LRRTM4: variants seen among roughly 807,000 people sequenced by gnomAD.
LRRTM4 encodes leucine rich repeat transmembrane neuronal 4.
In LRRTM4, 25 loss-of-function variants were observed where a neutral mutation model predicts 47.6. The ratio of observed to expected loss-of-function variants is 0.53; its 90% confidence interval spans 0.38 to 0.73. LRRTM4 has a LOEUF of 0.73. Ranked by LOEUF, LRRTM4 falls within the 30% of genes least tolerant of loss-of-function variation. The pLI is 0.00. For missense variants in LRRTM4, 638 were observed against 713.4 expected (o/e 0.89, Z 1.20); for synonymous variants, 311 against 269.5 (o/e 1.15, Z -1.51).
intron 3 of LRRTM4, among the ~76,000 whole-genome samples, chr2:76,850,609 A>G (rs1007035362): frequency 5.3e-5 from 8 of 152,174 alleles, no homozygotes; most frequent in African/African-American, 1.9e-4. Context: ...ATGTCCCACA[A>G]TCTGTTAGGT....
At chr2:77,026,549 G>C (rs963877012) in intron 3 of LRRTM4, among the ~76,000 whole-genome samples, 2 of 151,980 alleles carry the variant, frequency 1.3e-5, no homozygotes, top group Non-Finnish European at 2.9e-5. Flanking sequence ...GTAATAGTAA[G>C]TGAATAGCCT....
intron 3 of LRRTM4, among the ~76,000 whole-genome samples, chr2:77,045,994 C>A (rs2103755347): frequency 6.6e-6 from 1 of 151,966 alleles, no homozygotes; most frequent in East Asian, 1.9e-4. Flanking sequence ...CTTCCTTTTT[C>A]TTTTAATTAT....
At chr2:77,179,640 A>G (rs1673296259) in intron 3 of LRRTM4, among the ~76,000 whole-genome samples, 1 of 152,166 alleles carries the variant, frequency 6.6e-6, no homozygotes, top group South Asian at 2.1e-4. Flanking sequence ...TATTAAAAAA[A>G]TTAGACCATA....
intron 3 of LRRTM4, among the ~76,000 whole-genome samples, chr2:76,790,707 C>A (rs935238684): frequency 2.0e-5 from 3 of 151,804 alleles, no homozygotes; most frequent in South Asian, 4.1e-4. Flanking sequence ...AGACCCCCCC[C>A]CACCACCTCA....
chr2:76,810,576 G>A (rs1670703549), intron 3 of LRRTM4, among the ~76,000 whole-genome samples: 1 of 152,078 alleles, frequency 6.6e-6, no homozygotes, highest in South Asian at 2.1e-4. Flanking sequence ...ACAGGTTAAT[G>A]AATAAACAAA....
intron 3 of LRRTM4, among the ~76,000 whole-genome samples, chr2:77,072,986 A>G (rs951697009): frequency 5.3e-5 from 8 of 152,086 alleles, no homozygotes; most frequent in African/African-American, 1.9e-4. Flanking sequence ...GTTGCTTCCT[A>G]AAGTGTGATG....
intron 3 of LRRTM4, among the ~76,000 whole-genome samples, chr2:77,281,234 T>C (rs1378322901): frequency 1.3e-5 from 2 of 151,914 alleles, no homozygotes; most frequent in Non-Finnish European, 2.9e-5. Context: ...TAATAGGTCT[T>C]GCAAATGCCT....
At chr2:76,898,486 G>A (rs1253693606) in intron 3 of LRRTM4, among the ~76,000 whole-genome samples, 1 of 148,448 alleles carries the variant, frequency 6.7e-6, no homozygotes, top group Non-Finnish European at 1.5e-5. Flanking sequence ...CCAGGAGGTG[G>A]AGGATGAGGT....
At chr2:77,190,432 TAA>T (rs1169004982) in intron 3 of LRRTM4, among the ~76,000 whole-genome samples, 2 of 151,636 alleles carry the variant, frequency 1.3e-5, no homozygotes, top group African/African-American at 4.9e-5. Flanking sequence ...GTAGCTGGGA[TAA>T]CAGGTGCCTG....
At chr2:76,935,935 G>A (rs900922274) in intron 3 of LRRTM4, among the ~76,000 whole-genome samples, 1 of 152,186 alleles carries the variant, frequency 6.6e-6, no homozygotes, top group Non-Finnish European at 1.5e-5. Flanking sequence ...TCAAAGGAAT[G>A]CTTCCAGTTT....
intron 3 of LRRTM4, among the ~76,000 whole-genome samples, chr2:76,895,707 T>A (rs1673392168): frequency 6.6e-6 from 1 of 152,158 alleles, no homozygotes; most frequent in Admixed American, 6.6e-5. Flanking sequence ...GAATGGAATG[T>A]GACGAGCCAC....
chr2:76,876,783 A>G (rs1404846973), intron 3 of LRRTM4, among the ~76,000 whole-genome samples: 3 of 152,030 alleles, frequency 2.0e-5, no homozygotes, highest in Non-Finnish European at 2.9e-5. Flanking sequence ...CTTGTATTAT[A>G]TATTTGTACT....
At chr2:77,376,285 T>C (rs1672837756) in intron 3 of LRRTM4, among the ~76,000 whole-genome samples, 1 of 151,784 alleles carries the variant, frequency 6.6e-6, no homozygotes, top group Non-Finnish European at 1.5e-5. Flanking sequence ...AGTTCCAGTA[T>C]AACTCTTATC....
intron 3 of LRRTM4, among the ~76,000 whole-genome samples, chr2:77,194,244 A>C (rs1673754629): frequency 6.6e-6 from 1 of 152,178 alleles, no homozygotes; most frequent in African/African-American, 2.4e-5. Context: ...TGATGTCATC[A>C]ATCTTCTGAA....
In LRRTM4 at chr2:76,781,609, C is replaced by T. The variant is rs530791390; in HGVS notation, c.1552-32693G>A. 2.0e-4 allele frequency among the ~76,000 whole-genome samples: 30 copies of T among 152,318 alleles called. 1 individual carries two copies. Among genetic ancestry groups the T allele is most frequent in the Non-Finnish European group, 2.9e-4 (20 of 68,036 alleles). On this transcript the variant is annotated intron_variant, in intron 3 of 3. Transcript: ENST00000409884. Reference sequence around the variant, plus strand: ...AGTGAGGCAATGCCTCGCCCTGCTTCGGCTCGCGCATGGTGCGCGCACCCA... The same window carrying T: ...AGTGAGGCAATGCCTCGCCCTGCTTTGGCTCGCGCATGGTGCGCGCACCCA...
chr2:77,518,090 A>C (rs1679290793), intron 3 of LRRTM4: 1 of 1,275,866 alleles, frequency 7.8e-7, no homozygotes, highest in Non-Finnish European at 9.9e-7. Flanking sequence ...CTTTATTCCA[A>C]CTTATCCTTG....
intron 3 of LRRTM4, among the ~76,000 whole-genome samples, chr2:77,513,162 T>C (rs1262641283): frequency 2.0e-5 from 3 of 151,918 alleles, no homozygotes; most frequent in Non-Finnish European, 1.5e-5. Flanking sequence ...TGCTCACACA[T>C]GTGTATGCGT....
intron 3 of LRRTM4, among the ~76,000 whole-genome samples, chr2:77,334,310 G>A (rs1036351633): frequency 2.6e-5 from 4 of 152,086 alleles, no homozygotes; most frequent in African/African-American, 9.7e-5. Flanking sequence ...AGATTTAGGA[G>A]TGGCCAGGGG....
At chr2:76,970,026 A>C (rs1268533297) in intron 3 of LRRTM4, among the ~76,000 whole-genome samples, 1 of 151,940 alleles carries the variant, frequency 6.6e-6, no homozygotes, top group Non-Finnish European at 1.5e-5. Flanking sequence ...CCACTCACTT[A>C]TTTTAGGAAG....
Sources: allele counts gnomAD v4.1 joint callset (sites outside exome capture counted in the v4.1 genomes callset), GRCh38; gene constraint gnomAD v4.1.1; transcripts MANE v1.5; gene names NCBI Gene and HGNC (gene_info 2026-07-23, HGNC 2026-07-21).